WDR88: variants seen among roughly 807,000 people sequenced by gnomAD.
WDR88 encodes WD repeat domain 88, also known as WD repeat-containing protein 88.
In WDR88, 40 loss-of-function variants were observed where a neutral mutation model predicts 46.8. The ratio of observed to expected loss-of-function variants is 0.86; its 90% CI spans 0.66 to 1.11. The LOEUF (loss-of-function observed/expected upper bound fraction) is 1.11, where lower values mean the gene tolerates loss of function less well. Among genes scored for constraint, WDR88 ranks in the 50% most tolerant of loss-of-function variants. The pLI is 0.00. For missense variants in WDR88, 562 were observed against 602.4 expected, an observed-to-expected ratio of 0.93 and a Z score of 0.70; for synonymous variants, 235 against 240.7, an observed-to-expected ratio of 0.98 and a Z score of 0.22.
chr19:33,165,224 G>C (rs577828210), intron 9 of WDR88, among the ~76,000 whole-genome samples: 6 of 152,080 alleles, frequency 3.9e-5, no homozygotes, highest in Non-Finnish European at 7.4e-5. Context: ...GCCACAGACT[G>C]GGGGGTCGGG....
chr19:33,167,907 G>A (rs1004195984), intron 9 of WDR88, among the ~76,000 whole-genome samples: 9 of 147,932 alleles, frequency 6.1e-5, no homozygotes, highest in Non-Finnish European at 1.0e-4. Flanking sequence ...CGGTAGAAAC[G>A]GGATTTCACC....
At chr19:33,145,534 C>CT (rs200694766) in intron 3 of WDR88, among the ~76,000 whole-genome samples, 94 of 143,698 alleles carry the variant, frequency 6.5e-4, no homozygotes, top group Middle Eastern at 3.7e-3. Context: ...GGGAATTTAT[C>CT]TTTTTTTTTT....
chr19:33,175,094 A>G, intron 10 of WDR88: 1 of 812,072 alleles, frequency 1.2e-6, no homozygotes, highest in Non-Finnish European at 1.5e-6. Flanking sequence ...AATTAGCAGG[A>G]TGTGGTGGTG....
chr19:33,135,060 G>C (rs909679679), intron 1 of WDR88, among the ~76,000 whole-genome samples: 9 of 151,582 alleles, frequency 5.9e-5, no homozygotes, highest in African/African-American at 2.2e-4. Flanking sequence ...GGTGGGTGGG[G>C]GGGGTGACAT....
At chr19:33,162,195 G>GT (rs569887293) in intron 8 of WDR88, among the ~76,000 whole-genome samples, 7 of 151,556 alleles carry the variant, frequency 4.6e-5, no homozygotes, top group Non-Finnish European at 7.4e-5. Flanking sequence ...GCTCTGAGCT[G>GT]TTTTTTTTGT....
intron 2 of WDR88, among the ~76,000 whole-genome samples, chr19:33,143,531 C>T (rs936535685): frequency 4.0e-5 from 6 of 151,040 alleles, no homozygotes; most frequent in African/African-American, 1.2e-4. Flanking sequence ...ATGGTCCCAG[C>T]GACTTGGGAG....
At chr19:33,161,324 A>G (rs1209721353) in intron 8 of WDR88, among the ~76,000 whole-genome samples, 1 of 152,174 alleles carries the variant, frequency 6.6e-6, no homozygotes. Flanking sequence ...GCCCCAACTC[A>G]GAGTGGCTCT....
intron 6 of WDR88, among the ~76,000 whole-genome samples, chr19:33,153,073 C>T (rs1973665898): frequency 6.6e-6 from 1 of 151,932 alleles, no homozygotes; most frequent in South Asian, 2.1e-4. Context: ...GATTTCGAGA[C>T]AGAGTCTTGC....
At chr19:33,145,717 T>A (rs1973498456) in intron 3 of WDR88, among the ~76,000 whole-genome samples, 2 of 151,780 alleles carry the variant, frequency 1.3e-5, no homozygotes, top group Admixed American at 6.6e-5. Flanking sequence ...TTATTTTTAG[T>A]AGAGAGGGGT....
intron 2 of WDR88, among the ~76,000 whole-genome samples, chr19:33,138,661 T>G (rs549277985): frequency 1.4e-5 from 2 of 148,120 alleles, no homozygotes; most frequent in African/African-American, 5.1e-5. Flanking sequence ...CACCTTTTTT[T>G]TTTTTCCTTT....
rs763078199 is a variant in WDR88, at chr19:33,147,718, C to G, written c.540+10C>G. 10 of 1,613,390 alleles carry G rather than the reference C, an allele frequency of 6.2e-6. No individual in the cohort carries two copies. The highest frequency in any genetic ancestry group is 7.6e-6 in the Non-Finnish European group (9 of 1,179,664). ...GACAGGCAAGCTGCTGGTACGTATG[C>G]CTGTCCAGTGGGGGCGTTGGTTGCA... On this transcript the variant is annotated intron_variant, in intron 4 of 10. Coordinates refer to ENST00000355868, the MANE Select transcript of WDR88 (RefSeq NM_173479.4).
rs1457260796 is a variant in WDR88, at chr19:33,138,669, T to C, written c.387+882T>C. ...GCCCCCACACCTTTTTTTTTTTTCC[T>C]TTCTTTTCTTTTCTTTTCTTTTTTT... is the stretch of plus-strand genomic sequence containing the variant. On this transcript the variant is annotated intron_variant, in intron 2 of 10. Transcript: ENST00000355868. 4.9e-5 allele frequency among the ~76,000 whole-genome samples: 3 copies of C among 60,894 alleles called. 1 individual carries two copies. The highest frequency in any genetic ancestry group is 3.8e-4 in the African/African-American group (3 of 7,824). 39.9% of individuals were successfully genotyped at this position (60,894 alleles called of 152,430 possible). A position where few individuals can be genotyped will look rare whatever the true frequency, so the allele number is the denominator to read the frequency against.
chr19:33,170,249 C>G (rs1367488488), intron 9 of WDR88, among the ~76,000 whole-genome samples: 1 of 152,064 alleles, frequency 6.6e-6, no homozygotes, highest in East Asian at 1.9e-4. Flanking sequence ...ATGATCTCAG[C>G]TCACTGCAGC....
chr19:33,147,235 T>A (rs1218971814), intron 3 of WDR88, among the ~76,000 whole-genome samples: 1 of 148,576 alleles, frequency 6.7e-6, no homozygotes, highest in Non-Finnish European at 1.5e-5. Context: ...ACATCCTGTC[T>A]CAAAAAAGAA....
intron 6 of WDR88, 143 bp from the exon 7 acceptor site, chr19:33,156,212 T>C: frequency 2.8e-6 from 2 of 705,974 alleles, no homozygotes; most frequent in Non-Finnish European, 2.3e-6. Context: ...CTTAGGTATG[T>C]CTTCAGGTCC....
At chr19:33,132,785 C>G (rs920379257) in intron 1 of WDR88, among the ~76,000 whole-genome samples, 1 of 152,184 alleles carries the variant, frequency 6.6e-6, no homozygotes, top group Admixed American at 6.6e-5. Context: ...AATTGCAGCC[C>G]AAGGGTCGGT....
intron 10 of WDR88, 126 bp downstream of exon 10, chr19:33,172,566 G>A: frequency 1.3e-6 from 1 of 754,180 alleles, no homozygotes; most frequent in Non-Finnish European, 2.1e-6. Flanking sequence ...TGACATTTTT[G>A]CCCCAGGGGA....
In WDR88 at chr19:33,147,951, G is replaced by A. The variant is rs1419693382; in HGVS notation, c.540+243G>A. 2.6e-5 allele frequency among the ~76,000 whole-genome samples: 4 copies of A among 152,072 alleles called. No individual in the cohort carries two copies. The East Asian group carries it at 5.8e-4, about 22-fold the overall frequency. ...AGGAAGACTCCTGGAGGAGGCGGAT[G>A]GAACCAAGGCTTCTGCTTGAAAGAT... On this transcript the variant is annotated intron_variant, in intron 4 of 10. Transcript: ENST00000355868.
Position 33,164,419 on chromosome 19 carries a change from A to G in WDR88, c.1149+154A>G, listed in dbSNP as rs550847779. On this transcript the variant is annotated intron_variant, in intron 9 of 10. Coordinates refer to ENST00000355868, the MANE Select transcript of WDR88 (RefSeq NM_173479.4). ...GGAGCTGCCTGGGAATGTGGACAGCATGTCCTTCTATGCGCAAACGCGATG... is the reference window on the plus strand; with the variant it reads ...GGAGCTGCCTGGGAATGTGGACAGCGTGTCCTTCTATGCGCAAACGCGATG... Among the ~76,000 whole-genome samples, 7 of 152,360 alleles carry G rather than the reference A, an allele frequency of 4.6e-5. No individual in the cohort carries two copies. The South Asian group carries it at 1.2e-3, about 27-fold the overall frequency.
Sources: gnomAD v4.1 joint callset for allele counts (sites outside exome capture counted in the v4.1 genomes callset) on GRCh38, gnomAD v4.1.1 for gene constraint, MANE v1.5 for transcripts, NCBI Gene and HGNC (gene_info 2026-07-23, HGNC 2026-07-21) for gene names.